The following CNIH4 variants were observed in gnomAD, a reference collection of about 807,000 sequenced individuals.
The protein encoded by CNIH4 is cornichon family member 4.
CNIH4 carries 9 observed loss-of-function variants against 21.5 expected under a neutral mutation model. That is an observed-to-expected ratio of 0.42 (90% confidence interval 0.25 to 0.73). The LOEUF (loss-of-function observed/expected upper bound fraction) is 0.73. Ranked by LOEUF, CNIH4 falls within the 30% of genes least tolerant of loss-of-function variation. CNIH4 has a pLI of 0.27. For missense variants in CNIH4, 159 were observed against 170.0 expected (o/e 0.94, Z 0.36); for synonymous variants, 67 against 59.1 (o/e 1.13, Z -0.61).
At chr1:224,359,273 T>C (rs1464426203) in intron 1 of CNIH4, among the ~76,000 whole-genome samples, 1 of 152,164 alleles carries the variant, frequency 6.6e-6, no homozygotes, top group African/African-American at 2.4e-5. Context: ...ATTAGGAAGA[T>C]GAATCTGCCG....
intron 2 of CNIH4, among the ~76,000 whole-genome samples, chr1:224,361,459 T>C (rs1672286679): frequency 6.6e-6 from 1 of 151,904 alleles, no homozygotes; most frequent in Non-Finnish European, 1.5e-5. Flanking sequence ...TGGGTCTTGC[T>C]ATGTGATCTA....
Position 224,368,458 on chromosome 1 carries a change from C to G in CNIH4, c.251+2467C>G, listed in dbSNP as rs144410719. On this transcript the variant is annotated intron_variant, in intron 3 of 4. Coordinates refer to ENST00000465271, the MANE Select transcript of CNIH4 (RefSeq NM_014184.4). ...TGGCTGTCTGCTGGTCACAAGTTTA[C>G]CTTCTATTTAAAAAGGTTTAAAAAA... Among the ~76,000 whole-genome samples, 223 of 152,236 alleles carry G rather than the reference C, an allele frequency of 1.5e-3. 2 individuals are homozygous for G. Among genetic ancestry groups the G allele is most frequent in the African/African-American group, 5.2e-3 (216 of 41,520 alleles).
At chr1:224,365,800 C>A (rs1195362450) in intron 2 of CNIH4, 79 bp from the exon 3 acceptor site, 2 of 891,028 alleles carry the variant, frequency 2.2e-6, no homozygotes, top group Non-Finnish European at 3.8e-6. Context: ...TCTGTACGTT[C>A]ATTGATTTAG....
chr1:224,358,354 T>C (rs1672177857), intron 1 of CNIH4, among the ~76,000 whole-genome samples: 1 of 152,226 alleles, frequency 6.6e-6, no homozygotes, highest in South Asian at 2.1e-4. Flanking sequence ...ACTTTGATGA[T>C]ATCTAACGAC....
intron 1 of CNIH4, among the ~76,000 whole-genome samples, chr1:224,357,803 A>G (rs982636590): frequency 1.3e-5 from 2 of 152,216 alleles, no homozygotes; most frequent in African/African-American, 4.8e-5. Flanking sequence ...TTCCAGAGCA[A>G]TAAATGGTGG....
Position 224,376,485 on chromosome 1 carries a change from A to G in CNIH4, c.*663A>G, listed in dbSNP as rs908076808. Reference sequence around the variant, plus strand: ...CTTTCATTTAAAAGCTACTACCTCCACAATCACCCCCAAACCCAGAAAATC... The same window carrying G: ...CTTTCATTTAAAAGCTACTACCTCCGCAATCACCCCCAAACCCAGAAAATC... On this transcript the variant is annotated 3_prime_UTR_variant, in exon 5 of 5. Transcript: ENST00000465271. The G allele has an allele frequency of 5.1e-6, 5 of 985,332 alleles. No individual in the cohort carries two copies. The highest frequency in any genetic ancestry group is 6.0e-6 in the Non-Finnish European group (5 of 829,946). 61.0% of individuals were successfully genotyped at this position (985,332 alleles called of 1,614,324 possible).
Position 224,375,760 on chromosome 1 carries a change from A to G in CNIH4, c.393-35A>G, listed in dbSNP as rs201076427. ...CAGGCTCTGTAGGAACATTCCTGAG[A>G]AAACATTAGTGACATTCATTTCTTC... is the stretch of plus-strand genomic sequence containing the variant. On this transcript the variant is annotated intron_variant, in intron 4 of 4. Coordinates refer to ENST00000465271, the MANE Select transcript of CNIH4 (RefSeq NM_014184.4). The G allele has an allele frequency of 3.3e-5, 54 of 1,613,476 alleles. No homozygotes were observed. In the East Asian group the frequency reaches 1.1e-3, roughly 33 times the overall value.
At chr1:224,362,006 G>T (rs1176253193) in intron 2 of CNIH4, among the ~76,000 whole-genome samples, 3 of 151,938 alleles carry the variant, frequency 2.0e-5, no homozygotes, top group Admixed American at 1.3e-4. Context: ...GGCTGGAAAA[G>T]ATTTTTCTTT....
intron 2 of CNIH4, among the ~76,000 whole-genome samples, chr1:224,364,624 T>C (rs1298366147): frequency 1.3e-5 from 2 of 152,158 alleles, no homozygotes; most frequent in African/African-American, 4.8e-5. Context: ...AACTTTCCAA[T>C]ATGTAATAGC....
intron 4 of CNIH4, among the ~76,000 whole-genome samples, chr1:224,371,928 G>T (rs1173810695): frequency 1.3e-5 from 2 of 152,144 alleles, no homozygotes; most frequent in Admixed American, 6.6e-5. Flanking sequence ...GGCAACAATA[G>T]TGAAACTCTG....
In CNIH4 at chr1:224,375,939, A is replaced by G; in HGVS notation, c.*117A>G. The G allele has an allele frequency of 7.2e-7, 1 of 1,387,304 alleles. No individual in the cohort carries two copies. Among genetic ancestry groups the G allele is most frequent in the Non-Finnish European group, 9.4e-7 (1 of 1,061,762 alleles). The allele number at this position is 1,387,304 out of a possible 1,614,324, so 85.9% of individuals were successfully genotyped here. ...TAGCAGTATATATTTTCCTCTTGGA[A>G]CAAAAAACTATTTTTGCTGTATTTT... is the stretch of plus-strand genomic sequence containing the variant. On this transcript the variant is annotated 3_prime_UTR_variant, in exon 5 of 5. Coordinates refer to ENST00000465271, the MANE Select transcript of CNIH4 (RefSeq NM_014184.4).
intron 4 of CNIH4, among the ~76,000 whole-genome samples, chr1:224,373,435 C>T (rs907989277): frequency 1.3e-5 from 2 of 152,096 alleles, no homozygotes; most frequent in African/African-American, 2.4e-5. Flanking sequence ...TCATGCTTTG[C>T]AGAGTAAATT....
chr1:224,377,011 GGT>G lies in CNIH4; in HGVS notation c.*1195_*1196del, dbSNP rs1477254046. 28 of 667,452 alleles carry G rather than the reference GGT, an allele frequency of 4.2e-5. No individual in the cohort carries two copies. In the African/African-American group the frequency reaches 5.3e-4, roughly 13 times the overall value. 41.3% of individuals were successfully genotyped at this position (667,452 alleles called of 1,614,324 possible). ...GAGATAGAATTGGGTGGCTAAACAGGGTGTGTGGTACCCAAAAGATTAAATGT... is the reference window on the plus strand; with the variant it reads ...GAGATAGAATTGGGTGGCTAAACAGGGTGTGGTACCCAAAAGATTAAATGT... On this transcript the variant is annotated 3_prime_UTR_variant, in exon 5 of 5. Coordinates refer to ENST00000465271, the MANE Select transcript of CNIH4 (RefSeq NM_014184.4).
chr1:224,357,257 T>G, intron 1 of CNIH4: 2 of 375,256 alleles, frequency 5.3e-6, no homozygotes, highest in East Asian at 9.4e-5. Flanking sequence ...CGAGTGGGCC[T>G]CTCCGGGCGC....
chr1:224,357,116 G>A, intron 1 of CNIH4, 123 bp downstream of exon 1: 1 of 1,128,680 alleles, frequency 8.9e-7, no homozygotes, highest in Non-Finnish European at 1.3e-6. Flanking sequence ...GGCTCCCTGG[G>A]AGCTGGCCTG....
intron 1 of CNIH4, among the ~76,000 whole-genome samples, chr1:224,357,958 G>A (rs754590803): frequency 5.9e-5 from 9 of 152,146 alleles, no homozygotes; most frequent in Non-Finnish European, 7.4e-5. Context: ...GAGGAACTCC[G>A]CATTTCAGCT....
chr1:224,363,321 G>A (rs1672355166), intron 2 of CNIH4, among the ~76,000 whole-genome samples: 1 of 152,184 alleles, frequency 6.6e-6, no homozygotes, highest in Admixed American at 6.6e-5. Flanking sequence ...TGGGATTACA[G>A]GCATGAGCCA....
intron 3 of CNIH4, among the ~76,000 whole-genome samples, chr1:224,368,662 T>C (rs78236560): frequency 2.0e-4 from 25 of 123,054 alleles, no homozygotes; most frequent in East Asian, 4.2e-4. Context: ...GCAGCTGCAC[T>C]TTTTTTTTTT....
rs1386609314 is a variant in CNIH4 at position 224,377,988 on chromosome 1, A to G, written c.*2166A>G. 2.0e-5 allele frequency: 3 copies of G among 152,218 alleles called. No individual in the cohort carries two copies. In the East Asian group the frequency reaches 5.8e-4, roughly 29 times the overall value. 9.4% of individuals were successfully genotyped at this position (152,218 alleles called of 1,614,324 possible). A position where few individuals can be genotyped will look rare whatever the true frequency, so the allele number is the denominator to read the frequency against. On this transcript the variant is annotated 3_prime_UTR_variant, in exon 5 of 5. Transcript: ENST00000465271. ...GAAACATTAGCTGTGGTTAAAAACA[A>G]AAACTCTTCCTTCTTGTATTGCTTG...
Sources: gnomAD v4.1 joint callset for allele counts (sites outside exome capture counted in the v4.1 genomes callset) on GRCh38, gnomAD v4.1.1 for gene constraint, MANE v1.5 for transcripts, NCBI Gene and HGNC (gene_info 2026-07-23, HGNC 2026-07-21) for gene names.